SH2D4B: variants seen among roughly 807,000 people sequenced by gnomAD.
The protein encoded by SH2D4B is SH2 domain-containing protein 4B.
In SH2D4B, 45 loss-of-function variants were observed where a neutral mutation model predicts 61.5. The ratio of observed to expected loss-of-function variants is 0.73; its 90% CI spans 0.58 to 0.94. SH2D4B has a LOEUF of 0.94. SH2D4B is among the 40% of genes least tolerant of loss of function. SH2D4B has a pLI of 0.00. For missense variants in SH2D4B, 572 were observed against 574.2 expected (o/e 1.00, Z 0.04); for synonymous variants, 224 against 220.4 (o/e 1.02, Z -0.14).
chr10:80,578,960 G>A (rs1842156958), intron 3 of SH2D4B, among the ~76,000 whole-genome samples: 1 of 152,212 alleles, frequency 6.6e-6, no homozygotes, highest in Non-Finnish European at 1.5e-5. Context: ...AGACATCCAA[G>A]TCCCAAGCTG....
chr10:80,596,807 A>T (rs918040866), intron 4 of SH2D4B, among the ~76,000 whole-genome samples: 4 of 152,152 alleles, frequency 2.6e-5, no homozygotes, highest in African/African-American at 9.7e-5. Flanking sequence ...CATTGATCTT[A>T]CTCGCAGAAC....
At chr10:80,568,327 G>A (rs908673014) in intron 1 of SH2D4B, among the ~76,000 whole-genome samples, 2 of 152,162 alleles carry the variant, frequency 1.3e-5, no homozygotes, top group Non-Finnish European at 2.9e-5. Flanking sequence ...GTGAAGGAGA[G>A]GGCAAGGGAC....
Position 80,588,701 on chromosome 10 carries a change from G to T in SH2D4B, c.567G>T (p.Glu189Asp), listed in dbSNP as rs749586776. 1 of 1,614,096 alleles carries T rather than the reference G, an allele frequency of 6.2e-7. No homozygotes were observed. Among genetic ancestry groups the T allele is most frequent in the African/African-American group, 1.3e-5 (1 of 75,044 alleles). ...TCCAGGAAGAGCAGAGGGCGAAGGA[G>T]CTCTACTGGACCCTGAAGCAGGCTC... The part of the protein sequence containing the change: ...IRLQEEQRAK[E>D]LYWTLKQAQL... Residue 189 changes from glutamate to aspartate, a missense_variant, in exon 4 of 8, where the codon GAG becomes GAT. Coordinates refer to ENST00000646907, the MANE Select transcript of SH2D4B (RefSeq NM_001388272.1).
intron 5 of SH2D4B, among the ~76,000 whole-genome samples, chr10:80,605,014 C>T (rs930153948): frequency 3.9e-5 from 6 of 152,102 alleles, no homozygotes; most frequent in Admixed American, 1.3e-4. Flanking sequence ...AGGATGGTCT[C>T]GATTTCCTGA....
chr10:80,547,193 G>A (rs1461465496), intron 1 of SH2D4B, among the ~76,000 whole-genome samples: 1 of 152,122 alleles, frequency 6.6e-6, no homozygotes, highest in Non-Finnish European at 1.5e-5. Context: ...CAAGTGATTT[G>A]TCCAATCAAG....
intron 4 of SH2D4B, among the ~76,000 whole-genome samples, chr10:80,600,798 G>T (rs1289952366): frequency 6.6e-6 from 1 of 152,118 alleles, no homozygotes; most frequent in African/African-American, 2.4e-5. Context: ...GTCTGCATAC[G>T]ATTTCCTTCT....
Position 80,576,669 on chromosome 10 carries a change from C to G in SH2D4B, c.495+5091C>G, listed in dbSNP as rs147415622. The stretch of plus-strand genomic sequence containing the variant: ...TTGCGGCAAATTGTTTGCCCCTCCT[C>G]CCTTTGAGAGGTAGGATCTATTCCC... On this transcript the variant is annotated intron_variant, in intron 3 of 7. Transcript: ENST00000646907. 3.3e-3 allele frequency among the ~76,000 whole-genome samples: 505 copies of G among 152,362 alleles called. 9 individuals carry two copies. Among genetic ancestry groups the G allele is most frequent in the Middle Eastern group, 3.4e-3 (1 of 294 alleles).
chr10:80,552,262 T>TA (rs1359318910), intron 1 of SH2D4B, among the ~76,000 whole-genome samples: 2 of 151,794 alleles, frequency 1.3e-5, no homozygotes, highest in Non-Finnish European at 1.5e-5. Flanking sequence ...GGAGCCTGAG[T>TA]TTCGGTGCAG....
At chr10:80,548,574 A>G (rs1305054662) in intron 1 of SH2D4B, among the ~76,000 whole-genome samples, 1 of 152,204 alleles carries the variant, frequency 6.6e-6, no homozygotes, top group African/African-American at 2.4e-5. Context: ...GTGGCTTTGG[A>G]AAGTCACCCA....
chr10:80,544,605 T>C (rs1841642769), intron 1 of SH2D4B, among the ~76,000 whole-genome samples: 1 of 152,250 alleles, frequency 6.6e-6, no homozygotes, highest in Non-Finnish European at 1.5e-5. Context: ...GTGTCCTCTT[T>C]CCAGGCATGG....
At chr10:80,540,370 C>T (rs1258704495) in intron 1 of SH2D4B, among the ~76,000 whole-genome samples, 1 of 152,110 alleles carries the variant, frequency 6.6e-6, no homozygotes, top group Non-Finnish European at 1.5e-5. Context: ...CCAGGATATA[C>T]AGTATCTGCT....
chr10:80,577,430 GT>G (rs71482785), intron 3 of SH2D4B, among the ~76,000 whole-genome samples: 77 of 143,904 alleles, frequency 5.4e-4, no homozygotes, highest in South Asian at 1.1e-3. Context: ...TGAATTTTCT[GT>G]TTTTTTTTTT....
chr10:80,615,930 C>T (rs1203878541), intron 6 of SH2D4B, among the ~76,000 whole-genome samples: 1 of 152,212 alleles, frequency 6.6e-6, no homozygotes, highest in Admixed American at 6.5e-5. Flanking sequence ...TGGTGTCATG[C>T]AATAAATGCT....
intron 3 of SH2D4B, among the ~76,000 whole-genome samples, chr10:80,586,539 A>G (rs36095216): frequency 0.27 from 40,749 of 151,838 alleles, 6,398 homozygotes; most frequent in African/African-American, 0.43. Context: ...CACACTCTGT[A>G]TCTAGCTAAT....
At chr10:80,642,442 T>C (rs183423129) in intron 7 of SH2D4B, among the ~76,000 whole-genome samples, 1 of 152,354 alleles carries the variant, frequency 6.6e-6, no homozygotes, top group East Asian at 1.9e-4. Context: ...CTTAGTAAAG[T>C]GGGTTTAATA....
At chr10:80,621,375 A>C (rs554092637) in intron 6 of SH2D4B, among the ~76,000 whole-genome samples, 2 of 152,374 alleles carry the variant, frequency 1.3e-5, no homozygotes, top group East Asian at 1.9e-4. Context: ...AGTGCAACAG[A>C]TGGAGCTTCT....
intron 6 of SH2D4B, among the ~76,000 whole-genome samples, chr10:80,631,439 G>C (rs1842832955): frequency 6.6e-6 from 1 of 152,088 alleles, no homozygotes; most frequent in South Asian, 2.1e-4. Context: ...TGTAGATTCA[G>C]GGCCTTGCTA....
intron 1 of SH2D4B, among the ~76,000 whole-genome samples, chr10:80,559,795 G>A (rs746137916): frequency 1.3e-5 from 2 of 151,108 alleles, no homozygotes; most frequent in South Asian, 2.1e-4. Context: ...GCACCACCAC[G>A]TCTGGCTAAT....
Position 80,558,991 on chromosome 10 carries a change from G to T in SH2D4B, c.185-11163G>T, listed in dbSNP as rs113619852. Among the ~76,000 whole-genome samples the T allele has an allele frequency of 4.0e-3, 610 of 152,210 alleles. 2 individuals carry two copies. Among genetic ancestry groups the T allele is most frequent in the African/African-American group, 0.013 (537 of 41,514 alleles). On this transcript the variant is annotated intron_variant, in intron 1 of 7. Coordinates refer to ENST00000646907, the MANE Select transcript of SH2D4B (RefSeq NM_001388272.1). The stretch of plus-strand genomic sequence containing the variant: ...AATTTTCAGTTATTAAGATAGAGTA[G>T]CACATAATATTCTTTTATAATCACT...
Sources: allele counts gnomAD v4.1 joint callset (sites outside exome capture counted in the v4.1 genomes callset), GRCh38; gene constraint gnomAD v4.1.1; transcripts MANE v1.5; gene names NCBI Gene and HGNC (gene_info 2026-07-23, HGNC 2026-07-21).